BANK1: variants seen among roughly 807,000 people sequenced by gnomAD.
BANK1 encodes the protein B cell scaffold protein with ankyrin repeats 1, also known as B-cell scaffold protein with ankyrin repeats.
BANK1 carries 95 observed loss-of-function variants against 94.5 expected under a neutral mutation model. The observed-to-expected ratio is 1.00, with a 90% confidence interval of 0.85 to 1.19. The LOEUF (loss-of-function observed/expected upper bound fraction) is 1.19, where lower values mean the gene tolerates loss of function less well. Ranked by LOEUF, BANK1 falls within the 50% of genes most tolerant of loss-of-function variation. BANK1 has a pLI of 0.00. For synonymous variants in BANK1, 334 were observed against 308.4 expected (o/e 1.08, Z -0.87); for missense variants, 987 against 932.2 (o/e 1.06, Z -0.77).
intron 2 of BANK1, among the ~76,000 whole-genome samples, chr4:101,853,708 G>A (rs902713081): frequency 2.6e-5 from 4 of 152,048 alleles, no homozygotes; most frequent in East Asian, 1.9e-4. Context: ...TGGAAGTAAC[G>A]GACCAACTTT....
At chr4:101,863,920 A>C (rs534277334) in intron 4 of BANK1, among the ~76,000 whole-genome samples, 29 of 152,302 alleles carry the variant, frequency 1.9e-4, no homozygotes, top group African/African-American at 6.7e-4. Flanking sequence ...CAAATAGCAG[A>C]TCAAGATGTC....
intron 6 of BANK1, among the ~76,000 whole-genome samples, chr4:101,914,065 C>A (rs560449638): frequency 6.6e-6 from 1 of 152,266 alleles, no homozygotes; most frequent in South Asian, 2.1e-4. Flanking sequence ...TATCTGAGAA[C>A]AACAGAGTAA....
At chr4:102,057,598 C>T (rs574166757) in intron 11 of BANK1, among the ~76,000 whole-genome samples, 73 of 152,114 alleles carry the variant, frequency 4.8e-4, no homozygotes, top group African/African-American at 1.7e-3. Flanking sequence ...CCCAAAGTGC[C>T]GGGGTTACAG....
chr4:101,960,781 T>C (rs1447828351), intron 7 of BANK1, among the ~76,000 whole-genome samples: 1 of 151,810 alleles, frequency 6.6e-6, no homozygotes, highest in Non-Finnish European at 1.5e-5. Flanking sequence ...ACAAGTTAAG[T>C]AACTGTTCAA....
At chr4:101,927,462 A>T (rs767406735) in intron 7 of BANK1, among the ~76,000 whole-genome samples, 1 of 151,660 alleles carries the variant, frequency 6.6e-6, no homozygotes, top group East Asian at 2.0e-4. Context: ...AGTCACAACT[A>T]TATTGATCAC....
intron 7 of BANK1, among the ~76,000 whole-genome samples, chr4:101,925,483 G>A (rs1723125694): frequency 6.6e-6 from 1 of 151,562 alleles, no homozygotes; most frequent in Non-Finnish European, 1.5e-5. Context: ...CACAGATAAG[G>A]CAATTTATGA....
chr4:101,851,387 T>C lies in BANK1; in HGVS notation c.470-3648T>C, dbSNP rs1159260626. On this transcript the variant is annotated intron_variant, in intron 2 of 16. Transcript: ENST00000322953. ...CTAACTAGGCGTGGATTTATTTGAT[T>C]ATTAAACCAGGCAACAAGTATTTAT... is the stretch of plus-strand genomic sequence containing the variant. 2.6e-5 allele frequency among the ~76,000 whole-genome samples: 4 copies of C among 152,340 alleles called. 1 individual carries two copies. The East Asian group carries it at 5.8e-4, about 22-fold the overall frequency.
At chr4:101,865,520 A>G (rs1728036509) in intron 4 of BANK1, among the ~76,000 whole-genome samples, 1 of 152,066 alleles carries the variant, frequency 6.6e-6, no homozygotes, top group Admixed American at 6.6e-5. Flanking sequence ...TCTCCATAGC[A>G]CAGGCCTACT....
In BANK1 at chr4:101,976,176, G is replaced by T. The variant is rs546693730; in HGVS notation, c.1207-45338G>T. 3.9e-5 allele frequency among the ~76,000 whole-genome samples: 6 copies of T among 152,254 alleles called. No homozygotes were observed. The South Asian group carries it at 1.2e-3, about 32-fold the overall frequency. Reference sequence around the variant, plus strand: ...TCATAAGCAGTGAATTAGAGATATTGCTCTTTGTTGCCTCTTTTCAGTATT... The same window carrying T: ...TCATAAGCAGTGAATTAGAGATATTTCTCTTTGTTGCCTCTTTTCAGTATT... On this transcript the variant is annotated intron_variant, in intron 7 of 16. Transcript: ENST00000322953.
intron 7 of BANK1, among the ~76,000 whole-genome samples, chr4:101,924,848 G>C (rs913014315): frequency 2.6e-5 from 4 of 151,618 alleles, no homozygotes; most frequent in Non-Finnish European, 5.9e-5. Context: ...TATCAGAAAT[G>C]TTATATTCTC....
chr4:101,830,933 A>G (rs1380337104), intron 2 of BANK1, among the ~76,000 whole-genome samples: 1 of 152,094 alleles, frequency 6.6e-6, no homozygotes, highest in African/African-American at 2.4e-5. Flanking sequence ...TTTTGGAGCA[A>G]ATTTCTGAGT....
intron 7 of BANK1, among the ~76,000 whole-genome samples, chr4:101,965,185 A>C (rs1249328046): frequency 1.3e-5 from 2 of 151,868 alleles, no homozygotes; most frequent in Non-Finnish European, 2.9e-5. Flanking sequence ...TCCTATGTCT[A>C]ATATTTGAAA....
chr4:102,063,262 G>A (rs1728484836), intron 13 of BANK1, 124 bp downstream of exon 13: 3 of 801,588 alleles, frequency 3.7e-6, no homozygotes, highest in Non-Finnish European at 6.0e-6. Flanking sequence ...GTCTAACCTG[G>A]AGAGGGTCTT....
intron 7 of BANK1, among the ~76,000 whole-genome samples, chr4:102,010,115 A>G (rs1025985095): frequency 1.3e-5 from 2 of 151,702 alleles, no homozygotes; most frequent in Non-Finnish European, 2.9e-5. Flanking sequence ...AATACAAAAA[A>G]TTAGCCAGGT....
At chr4:101,897,483 G>A (rs1179597925) in intron 6 of BANK1, among the ~76,000 whole-genome samples, 1 of 151,910 alleles carries the variant, frequency 6.6e-6, no homozygotes, top group African/African-American at 2.4e-5. Flanking sequence ...TATAGATGGA[G>A]AACTCTGGAT....
chr4:101,942,488 G>T (rs1007000194), intron 7 of BANK1, among the ~76,000 whole-genome samples: 3 of 151,872 alleles, frequency 2.0e-5, no homozygotes, highest in Admixed American at 2.0e-4. Context: ...ATGAATAAGT[G>T]CACACATCTT....
chr4:101,918,231 G>A lies in BANK1; in HGVS notation c.1206+42G>A, dbSNP rs774471293. The A allele has an allele frequency of 2.2e-5, 30 of 1,371,752 alleles. No individual in the cohort carries two copies. The African/African-American group carries it at 4.2e-4, about 19-fold the overall frequency. The allele number at this position is 1,371,752 out of a possible 1,614,324, so 85.0% of individuals were successfully genotyped here. A position where few individuals can be genotyped will look rare whatever the true frequency, so the allele number is the denominator to read the frequency against. ...AATTATATCTCTGTATATTCTGTTTGATATTGTAGAAGAGACTGTAAGAAG... is the reference window on the plus strand; with the variant it reads ...AATTATATCTCTGTATATTCTGTTTAATATTGTAGAAGAGACTGTAAGAAG... On this transcript the variant is annotated intron_variant, in intron 7 of 16. Coordinates refer to ENST00000322953, the MANE Select transcript of BANK1 (RefSeq NM_017935.5).
intron 7 of BANK1, among the ~76,000 whole-genome samples, chr4:101,976,113 A>G (rs1339612963): frequency 1.3e-5 from 2 of 152,160 alleles, no homozygotes; most frequent in Non-Finnish European, 2.9e-5. Flanking sequence ...GAAACATCTC[A>G]GGTTTCCAGT....
At chr4:101,990,717 A>G (rs932476714) in intron 7 of BANK1, among the ~76,000 whole-genome samples, 3 of 152,170 alleles carry the variant, frequency 2.0e-5, no homozygotes, top group African/African-American at 7.2e-5. Flanking sequence ...TACCTCTATC[A>G]GCTTTTACAA....
Sources: allele counts gnomAD v4.1 joint callset (sites outside exome capture counted in the v4.1 genomes callset), GRCh38; gene constraint gnomAD v4.1.1; transcripts MANE v1.5; gene names NCBI Gene and HGNC (gene_info 2026-07-23, HGNC 2026-07-21).